The following DLG2 variants were observed in gnomAD, a reference collection of about 807,000 sequenced individuals.
The protein encoded by DLG2 is discs large MAGUK scaffold protein 2.
A neutral mutation model predicts 132.5 loss-of-function variants in DLG2; 45 were observed. The ratio of observed to expected loss-of-function variants is 0.34; its 90% CI spans 0.27 to 0.44. The LOEUF is 0.44. DLG2 is among the 20% of genes least tolerant of loss of function. DLG2 has a pLI of 1.00. For missense variants in DLG2, 1,045 were observed against 1,196.9 expected, an observed-to-expected ratio of 0.87 and a Z score of 1.87; for synonymous variants, 424 against 419.6, an observed-to-expected ratio of 1.01 and a Z score of -0.13.
intron 18 of DLG2, among the ~76,000 whole-genome samples, chr11:83,758,401 C>T (rs2093745350): frequency 6.6e-6 from 1 of 152,204 alleles, no homozygotes; most frequent in Admixed American, 6.5e-5. Flanking sequence ...GCTTACCAGC[C>T]ATGTTCCTTT....
At chr11:83,615,742 C>T (rs1209360542) in intron 19 of DLG2, among the ~76,000 whole-genome samples, 1 of 152,152 alleles carries the variant, frequency 6.6e-6, no homozygotes, top group Non-Finnish European at 1.5e-5. Context: ...AATGCAGCAG[C>T]CTCTAGAAGA....
intron 11 of DLG2, among the ~76,000 whole-genome samples, chr11:84,038,536 T>G (rs903812769): frequency 6.6e-6 from 1 of 152,102 alleles, no homozygotes; most frequent in African/African-American, 2.4e-5. Context: ...GTAATATATG[T>G]ACATGGTAGA....
intron 18 of DLG2, among the ~76,000 whole-genome samples, chr11:83,737,280 T>G (rs917946107): frequency 6.6e-6 from 1 of 152,178 alleles, no homozygotes; most frequent in African/African-American, 2.4e-5. Context: ...TAGAATTACT[T>G]TTTCACTACA....
chr11:85,001,345 G>C (rs1647870632), intron 6 of DLG2, among the ~76,000 whole-genome samples: 1 of 152,110 alleles, frequency 6.6e-6, no homozygotes, highest in Admixed American at 6.6e-5. Context: ...ACTTTTAAGA[G>C]CTTGAATAAA....
At chr11:85,607,199 C>G (rs558864645) in intron 2 of DLG2, among the ~76,000 whole-genome samples, 2 of 152,312 alleles carry the variant, frequency 1.3e-5, no homozygotes, top group South Asian at 4.1e-4. Context: ...GTGACTAGCA[C>G]AGCCGCCGGA....
chr11:85,440,040 G>T (rs897115380), intron 3 of DLG2, among the ~76,000 whole-genome samples: 2 of 152,064 alleles, frequency 1.3e-5, no homozygotes, highest in African/African-American at 4.8e-5. Context: ...GGCTTAGGTA[G>T]GTTACTTATC....
Position 83,531,181 on chromosome 11 carries a change from C to A in DLG2, c.2193+1527G>T, listed in dbSNP as rs552409019. On this transcript the variant is annotated intron_variant, in intron 21 of 27. Transcript: ENST00000376104. ...ACATTAGACTTCACCAAAATTAGAA[C>A]CTTTTGTGTACCAAAGAACACTATC... Among the ~76,000 whole-genome samples the A allele has an allele frequency of 5.9e-3, 25 of 4,258 alleles. 2 individuals are homozygous for A. The highest frequency in any genetic ancestry group is 0.026 in the African/African-American group (25 of 956). The allele number at this position is 4,258 out of a possible 152,430, so 2.8% of individuals were successfully genotyped here.
chr11:84,659,139 A>T (rs780262004), intron 6 of DLG2, among the ~76,000 whole-genome samples: 46 of 152,206 alleles, frequency 3.0e-4, no homozygotes, highest in Non-Finnish European at 7.4e-5. Context: ...TACTTCAAGT[A>T]TTCTGTCACT....
chr11:84,857,836 T>G (rs1002026529), intron 6 of DLG2, among the ~76,000 whole-genome samples: 3 of 152,076 alleles, frequency 2.0e-5, no homozygotes, highest in African/African-American at 7.2e-5. Flanking sequence ...ATTTCAATTC[T>G]AAAGTTGTTA....
At chr11:83,455,119 A>AC, downstream of DLG2, 1 of 152,794 alleles carries the variant, frequency 6.5e-6, no homozygotes, top group South Asian at 2.1e-4. Context: ...CCCACCGCTG[A>AC]CAACTAGAAA....
chr11:84,855,206 T>C (rs1283614509), intron 6 of DLG2, among the ~76,000 whole-genome samples: 1 of 152,076 alleles, frequency 6.6e-6, no homozygotes, highest in African/African-American at 2.4e-5. Context: ...GTTATGGAAT[T>C]TGAATCTCAC....
intron 21 of DLG2, among the ~76,000 whole-genome samples, chr11:83,490,973 T>C (rs575345145): frequency 6.6e-6 from 1 of 152,070 alleles, no homozygotes; most frequent in African/African-American, 2.4e-5. Flanking sequence ...TAGTAACAGG[T>C]AAAATATATT....
chr11:84,472,291 C>A (rs2099110551), intron 7 of DLG2, among the ~76,000 whole-genome samples: 1 of 151,678 alleles, frequency 6.6e-6, no homozygotes, highest in African/African-American at 2.4e-5. Flanking sequence ...ATACATAAAC[C>A]AGCACTCAAA....
intron 6 of DLG2, among the ~76,000 whole-genome samples, chr11:85,083,191 G>A (rs1012146278): frequency 3.9e-5 from 6 of 152,090 alleles, no homozygotes; most frequent in African/African-American, 1.2e-4. Context: ...CTGCAGAAAA[G>A]CAGTTATACA....
intron 7 of DLG2, among the ~76,000 whole-genome samples, chr11:84,457,325 A>G (rs772467621): frequency 6.6e-6 from 1 of 151,128 alleles, no homozygotes; most frequent in Non-Finnish European, 1.5e-5. Flanking sequence ...ACAGTCTGGT[A>G]AGAGATTGGA....
At chr11:84,844,133 GTGTA>G (rs1426131007) in intron 6 of DLG2, among the ~76,000 whole-genome samples, 62 of 26,008 alleles carry the variant, frequency 2.4e-3, no homozygotes, top group South Asian at 8.2e-3. Flanking sequence ...GTGTGTGTGT[GTGTA>G]TATATATATA....
intron 6 of DLG2, among the ~76,000 whole-genome samples, chr11:85,056,759 T>G (rs2063505469): frequency 6.6e-6 from 1 of 151,926 alleles, no homozygotes; most frequent in Non-Finnish European, 1.5e-5. Flanking sequence ...AGACATTAAT[T>G]ATAAAGAAGC....
At chr11:83,814,861 T>C (rs924092623) in intron 17 of DLG2, 1 of 240,298 alleles carries the variant, frequency 4.2e-6, no homozygotes, top group Non-Finnish European at 9.2e-6. Context: ...ACAGGAACAC[T>C]TGAGTCCCCA....
intron 7 of DLG2, among the ~76,000 whole-genome samples, chr11:84,479,472 C>T (rs1567740488): frequency 1.3e-5 from 2 of 151,984 alleles, no homozygotes; most frequent in African/African-American, 2.4e-5. Flanking sequence ...TCTTATTCCT[C>T]TAATATATAT....
Sources: allele counts gnomAD v4.1 joint callset (sites outside exome capture counted in the v4.1 genomes callset), GRCh38; gene constraint gnomAD v4.1.1; transcripts MANE v1.5; gene names NCBI Gene and HGNC (gene_info 2026-07-23, HGNC 2026-07-21).